Variants in LAMC3 observed in about 807,000 individuals in gnomAD.
LAMC3 encodes laminin subunit gamma-3.
A neutral mutation model predicts 173.8 loss-of-function variants in LAMC3; 128 were observed. The ratio of observed to expected loss-of-function variants is 0.74; its 90% CI spans 0.64 to 0.85. LAMC3 has a LOEUF of 0.85. Among genes scored for constraint, LAMC3 ranks in the 40% least tolerant of loss-of-function variants. The pLI, the probability that LAMC3 is intolerant of heterozygous loss-of-function variation, is 0.00. For missense variants in LAMC3, 2,022 were observed against 2,156.0 expected (o/e 0.94, Z 1.23); for synonymous variants, 897 against 909.1 (o/e 0.99, Z 0.24).
At position 131,026,848 on chromosome 9, in the gene LAMC3, A is replaced by C. The variant is rs1011512603; in HGVS notation, c.678+259A>C. Among the ~76,000 whole-genome samples the C allele has an allele frequency of 6.6e-6, 1 of 152,176 alleles. No individual in the cohort carries two copies. Among genetic ancestry groups the C allele is most frequent in the Non-Finnish European group, 1.5e-5 (1 of 68,040 alleles). On this transcript the variant is annotated intron_variant, in intron 2 of 27. Transcript: ENST00000361069. The surrounding 1 kb of genome is among the most constrained non-coding windows in gnomAD (Gnocchi z 4.8). Reference sequence around the variant, plus strand: ...CAGCCTGCCAAGTAACTGAGATTACAGGTGCCCGCCACGACTCCTGGCTGA... The same window carrying C: ...CAGCCTGCCAAGTAACTGAGATTACCGGTGCCCGCCACGACTCCTGGCTGA...
chr9:131,040,762 G>A (rs756933524), intron 6 of LAMC3, among the ~76,000 whole-genome samples: 14 of 152,060 alleles, frequency 9.2e-5, no homozygotes, highest in East Asian at 3.9e-4. Flanking sequence ...GAGCAGCCCC[G>A]CTCTCGGGAC....
chr9:131,075,988 T>C, intron 21 of LAMC3, 23 bp downstream of exon 21: 1 of 1,587,332 alleles, frequency 6.3e-7, no homozygotes, highest in Non-Finnish European at 8.6e-7. Context: ...CAGGTGTGGG[T>C]AGAAACTTTG....
chr9:131,009,338 G>T lies in LAMC3; in HGVS notation c.124G>T (p.Ala42Ser), dbSNP rs1453153215. The T allele has an allele frequency of 6.7e-7, 1 of 1,491,434 alleles. No homozygotes were observed. The highest frequency in any genetic ancestry group is 1.3e-5 in the South Asian group (1 of 79,136). The allele number at this position is 1,491,434 out of a possible 1,614,324, so 92.4% of individuals were successfully genotyped here. The change falls in exon 1 of 28, where the codon GCG becomes TCG. Residue 42 changes from alanine to serine, a missense_variant. Physicochemically the swap from Ala to Ser is moderately conservative, Grantham distance 99 (BLOSUM62 1). Transcript: ENST00000361069. The surrounding 1 kb of genome is among the most constrained non-coding windows in gnomAD (Gnocchi z 4.3). ...GCGCTGCCTGCCGGTGTTCGAGAAC[G>T]CGGCGTTTGGGCGGCTCGCCCAGGC... Reference protein sequence around the residue: ...PQRCLPVFENAAFGRLAQASH... With the variant: ...PQRCLPVFENSAFGRLAQASH...
chr9:131,032,589 T>TC (rs1409621509), intron 3 of LAMC3, among the ~76,000 whole-genome samples: 10 of 145,348 alleles, frequency 6.9e-5, no homozygotes, highest in African/African-American at 2.5e-4. Context: ...GCTTGCTCTC[T>TC]TTCTCACTCG....
intron 11 of LAMC3, among the ~76,000 whole-genome samples, chr9:131,054,018 AAAAC>A (rs1834350248): frequency 1.9e-5 from 2 of 106,516 alleles, no homozygotes; most frequent in Non-Finnish European, 4.7e-5. Flanking sequence ...AAAAAAAAAC[AAAAC>A]AAAAAACAAA....
intron 2 of LAMC3, among the ~76,000 whole-genome samples, chr9:131,028,329 T>C (rs1833765077): frequency 6.6e-6 from 1 of 152,128 alleles, no homozygotes; most frequent in Admixed American, 6.5e-5. Context: ...GCTGCTCTAG[T>C]CCATTTCCCC....
rs10597678 is a variant in LAMC3 at position 131,060,645 on chromosome 9, C to CTAA, written c.2159-365_2159-363dup. Among the ~76,000 whole-genome samples the CTAA allele has an allele frequency of 5.5e-4, 82 of 150,246 alleles. No individual in the cohort carries two copies. In the South Asian group the frequency reaches 5.7e-3, roughly 11 times the overall value. Reference sequence around the variant, plus strand: ...GTGACAGAGTGAGACTCTGTCTCAACTAATAATAATAATAATAATAATAAT... The same window carrying CTAA: ...GTGACAGAGTGAGACTCTGTCTCAACTAATAATAATAATAATAATAATAATAAT... On this transcript the variant is annotated intron_variant, in intron 12 of 27. Coordinates refer to ENST00000361069, the MANE Select transcript of LAMC3 (RefSeq NM_006059.4).
At chr9:131,017,017 C>G (rs1042292975) in intron 1 of LAMC3, among the ~76,000 whole-genome samples, 2 of 152,120 alleles carry the variant, frequency 1.3e-5, no homozygotes, top group Non-Finnish European at 2.9e-5. Context: ...AGCTTGGCAC[C>G]GTAACTCCCA....
Position 131,039,210 on chromosome 9 carries a change from T to C in LAMC3, c.1245T>C (p.Cys415=). Residue 415 remains cysteine (C), a synonymous_variant, in exon 6 of 28, where the codon TGT becomes TGC. Transcript: ENST00000361069. ...PTVTGWKCDR[C]LPGFHSLSEG... ...TGACTGGCTGGAAGTGTGACCGCTG[T>C]CTGCCCGGGTTCCACTCGCTCAGTG... 1 of 1,607,858 alleles carries C rather than the reference T, an allele frequency of 6.2e-7. No individual in the cohort carries two copies. The highest frequency in any genetic ancestry group is 8.5e-7 in the Non-Finnish European group (1 of 1,179,990).
intron 27 of LAMC3, 30 bp downstream of exon 27, chr9:131,087,847 C>T (rs1471955490): frequency 3.2e-6 from 5 of 1,578,352 alleles, no homozygotes; most frequent in East Asian, 4.5e-5. Context: ...GGGCCCTGAA[C>T]CCCTGGGTCC....
chr9:131,036,339 G>A lies in LAMC3; in HGVS notation c.976+7G>A. 1 of 1,612,734 alleles carries A rather than the reference G, an allele frequency of 6.2e-7. No individual in the cohort carries two copies. Among genetic ancestry groups the A allele is most frequent in the Non-Finnish European group, 8.5e-7 (1 of 1,179,556 alleles). On this transcript the variant is annotated splice_region_variant and intron_variant, in intron 4 of 27. Transcript: ENST00000361069. ...GCTGCCCACGAGTGTCTGCGTGAGT[G>A]TCTGAGTGTCACAGGGCATCAGGGA...
intron 2 of LAMC3, among the ~76,000 whole-genome samples, chr9:131,028,394 C>T (rs749503481): frequency 6.6e-6 from 1 of 152,220 alleles, no homozygotes; most frequent in Non-Finnish European, 1.5e-5. Context: ...TCCTCCCCTC[C>T]AGACTTTCAG....
intron 13 of LAMC3, 51 bp from the exon 14 acceptor site, chr9:131,066,909 C>G (rs538123245): frequency 6.2e-7 from 1 of 1,604,630 alleles, no homozygotes; most frequent in South Asian, 1.1e-5. Context: ...ACCCTCATCC[C>G]TGGTGGGTCC....
rs1276602418 is a variant in LAMC3, at chr9:131,026,550, G to T, written c.639G>T (p.Arg213=). The part of the protein sequence containing the change: ...GNVAFSTLEG[R]PSAYNFEESP... The stretch of plus-strand genomic sequence containing the variant: ...TGGCCTTCTCCACCCTGGAGGGCCG[G>T]CCCAGCGCCTACAACTTCGAGGAGA... The change falls in exon 2 of 28, where the codon CGG becomes CGT. Residue 213 remains arginine (R), a synonymous_variant. Transcript: ENST00000361069. This position sits in a 1 kb window ranked among gnomAD's most constrained non-coding sequence, Gnocchi z 4.8. 4 of 1,607,958 alleles carry T rather than the reference G, an allele frequency of 2.5e-6. No individual in the cohort carries two copies.
intron 27 of LAMC3, among the ~76,000 whole-genome samples, chr9:131,088,868 G>A (rs1830373936): frequency 6.6e-6 from 1 of 151,902 alleles, no homozygotes. Context: ...GATCATTTGA[G>A]GTCAGGAGTT....
intron 11 of LAMC3, among the ~76,000 whole-genome samples, chr9:131,055,423 C>CTTTTTTTTTTT (rs56220728): frequency 1.0e-3 from 113 of 109,202 alleles, no homozygotes; most frequent in Non-Finnish European, 1.2e-3. Context: ...TCTTTTCTTT[C>CTTTTTTTTTTT]TTTTTTTTTT....
In LAMC3 at chr9:131,032,555, TCGC is replaced by T. The variant is rs1318841112; in HGVS notation, c.809+381_809+383del. The stretch of plus-strand genomic sequence containing the variant: ...CGCTGTCTCTCTCTCTTGCTCTCTC[TCGC>T]TCTCTCTCTTGCTCTCTCTCGCTTG... On this transcript the variant is annotated intron_variant, in intron 3 of 27. Coordinates refer to ENST00000361069, the MANE Select transcript of LAMC3 (RefSeq NM_006059.4). Among the ~76,000 whole-genome samples the T allele has an allele frequency of 1.7e-3, 212 of 123,624 alleles. 1 individual carries two copies. The highest frequency in any genetic ancestry group is 0.013 in the South Asian group (55 of 4,078). The allele number at this position is 123,624 out of a possible 152,430, so 81.1% of individuals were successfully genotyped here.
In LAMC3 at chr9:131,052,854, C is replaced by T. The variant is rs746869680; in HGVS notation, c.1828C>T (p.Gln610Ter). The T allele has an allele frequency of 5.0e-6, 8 of 1,610,968 alleles. No individual in the cohort carries two copies. The highest frequency in any genetic ancestry group is 6.8e-6 in the Non-Finnish European group (8 of 1,177,396). ...PREVELRFHL[Q>*]ETSEDVAPPL... ...TTTGACCGCTTCTCTCGCCAGCCTG[C>T]AGGAGACCTCCGAGGACGTGGCCCC... The change falls in exon 11 of 28, where the codon CAG becomes TAG. Residue 610 changes from glutamine (Q) to a stop codon, truncating the protein, a stop_gained. Transcript: ENST00000361069. LOFTEE classifies it high-confidence loss of function.
rs1833989966 is a variant in LAMC3, at chr9:131,038,849, C to A, written c.977-15C>A. 6.2e-7 allele frequency: 1 copy of A among 1,612,284 alleles called. No homozygotes were observed. The highest frequency in any genetic ancestry group is 1.1e-5 in the South Asian group (1 of 91,072). ...CACAGGGGACTCACACACCTTTCCC[C>A]ACTCCTGCCCATAGCCTGCAACTGC... On this transcript the variant is annotated splice_polypyrimidine_tract_variant and intron_variant, in intron 4 of 27. Transcript: ENST00000361069.
Sources: allele counts gnomAD v4.1 joint callset (sites outside exome capture counted in the v4.1 genomes callset), GRCh38; gene constraint gnomAD v4.1.1; non-coding constraint Gnocchi (gnomAD v3.1); transcripts MANE v1.5; gene names NCBI Gene and HGNC (gene_info 2026-07-23, HGNC 2026-07-21).